EML6: variants seen among roughly 807,000 people sequenced by gnomAD.
The protein encoded by EML6 is EMAP like 6.
EML6 carries 154 observed loss-of-function variants against 240.1 expected under a neutral mutation model. That is an observed-to-expected ratio of 0.64 (90% CI 0.56 to 0.73). EML6 has a LOEUF of 0.73. Ranked by LOEUF, EML6 falls within the 30% of genes least tolerant of loss-of-function variation. EML6 has a pLI of 0.00. For missense variants in EML6, 2,964 were observed against 2,474.6 expected, an observed-to-expected ratio of 1.20 and a Z score of -4.20; for synonymous variants, 1,148 against 899.0, an observed-to-expected ratio of 1.28 and a Z score of -4.95.
rs753059572 is a variant in EML6 at position 54,967,633 on chromosome 2, AGG to A, written c.5598-491_5598-490del. ...TTTGGAGTGTAGGGAACTGAGGCAG[AGG>A]GGGAACAGTAAGAGCTGGCACAAAT... On this transcript the variant is annotated intron_variant, in intron 39 of 41. Transcript: ENST00000356458. Among the ~76,000 whole-genome samples the A allele has an allele frequency of 1.4e-4, 22 of 152,046 alleles. No individual in the cohort carries two copies. In the South Asian group the frequency reaches 1.5e-3, roughly 10 times the overall value.
At chr2:54,879,145 A>G (rs1671682933) in intron 16 of EML6, among the ~76,000 whole-genome samples, 1 of 152,228 alleles carries the variant, frequency 6.6e-6, no homozygotes, top group Admixed American at 6.5e-5. Flanking sequence ...CTCAAGTTAA[A>G]TGTCATGAGA....
intron 2 of EML6, among the ~76,000 whole-genome samples, chr2:54,743,060 G>A (rs2103657958): frequency 6.6e-6 from 1 of 152,356 alleles, no homozygotes; most frequent in East Asian, 1.9e-4. Flanking sequence ...GAGCTATCTA[G>A]ATGTTTAAGA....
intron 2 of EML6, among the ~76,000 whole-genome samples, chr2:54,784,372 C>T (rs375391828): frequency 1.2e-4 from 18 of 152,240 alleles, no homozygotes; most frequent in African/African-American, 4.3e-4. Flanking sequence ...GTAGAATTAC[C>T]AGGTAAGAGT....
At chr2:54,809,237 C>T (rs191393524) in intron 2 of EML6, among the ~76,000 whole-genome samples, 76 of 152,284 alleles carry the variant, frequency 5.0e-4, no homozygotes, top group Non-Finnish European at 4.1e-4. Flanking sequence ...TATATGGACT[C>T]TCAATAGGCA....
chr2:54,759,587 G>A (rs1239362081), intron 2 of EML6, among the ~76,000 whole-genome samples: 1 of 152,018 alleles, frequency 6.6e-6, no homozygotes, highest in African/African-American at 2.4e-5. Flanking sequence ...ACATAAATTA[G>A]CAATGGATGC....
intron 2 of EML6, among the ~76,000 whole-genome samples, chr2:54,760,421 T>C (rs1667925752): frequency 6.6e-6 from 1 of 152,126 alleles, no homozygotes; most frequent in Admixed American, 6.5e-5. Flanking sequence ...GACTTCTAGG[T>C]TCTTTTGCTT....
At chr2:54,783,214 C>T (rs1181147057) in intron 2 of EML6, among the ~76,000 whole-genome samples, 2 of 152,162 alleles carry the variant, frequency 1.3e-5, no homozygotes, top group Admixed American at 1.3e-4. Context: ...CATGTCTTAT[C>T]TCATAAAATA....
At chr2:54,910,061 G>C (rs370970973) in intron 24 of EML6, among the ~76,000 whole-genome samples, 11 of 152,044 alleles carry the variant, frequency 7.2e-5, no homozygotes, top group African/African-American at 2.7e-4. Flanking sequence ...ATTATTTATA[G>C]GTGAAATATT....
At chr2:54,825,972 A>G (rs775087552) in intron 5 of EML6, among the ~76,000 whole-genome samples, 12 of 152,118 alleles carry the variant, frequency 7.9e-5, no homozygotes, top group Non-Finnish European at 1.2e-4. Context: ...CTGCTGATCC[A>G]AGTCCTACTC....
chr2:54,825,863 G>A (rs1340715388), intron 5 of EML6, among the ~76,000 whole-genome samples: 2 of 152,064 alleles, frequency 1.3e-5, no homozygotes, highest in Non-Finnish European at 2.9e-5. Flanking sequence ...CTCTCCTACA[G>A]GTGTAAAATA....
intron 16 of EML6, among the ~76,000 whole-genome samples, chr2:54,874,344 C>A (rs969570492): frequency 2.0e-5 from 3 of 152,224 alleles, no homozygotes; most frequent in Non-Finnish European, 4.4e-5. Flanking sequence ...AAATCAGATA[C>A]TCTGGAGGAG....
chr2:54,940,333 A>T (rs1249510451), intron 28 of EML6, among the ~76,000 whole-genome samples: 1 of 152,128 alleles, frequency 6.6e-6, no homozygotes, highest in African/African-American at 2.4e-5. Context: ...CTGTGGGCTT[A>T]AAAAAATTTT....
rs562255406 is a variant in EML6 at position 54,950,760 on chromosome 2, C to A, written c.4194C>A (p.Ile1398=). Residue 1398 remains isoleucine, a synonymous_variant, in exon 30 of 42, where the codon ATC becomes ATA. Coordinates refer to ENST00000356458, the MANE Select transcript of EML6 (RefSeq NM_001039753.4). ...TCTTCCACACAGCAGCGGCTGGCAT[C>A]GTTCAGAACCTCTCCACAGGTAACC... is the stretch of plus-strand genomic sequence containing the variant. The part of the protein sequence containing the change: ...DIIFHTAAAG[I]VQNLSTGSQS... 1 of 1,551,458 alleles carries A rather than the reference C, an allele frequency of 6.4e-7. No homozygotes were observed. The highest frequency in any genetic ancestry group is 1.2e-5 in the South Asian group (1 of 84,026).
At chr2:54,757,195 C>G (rs1204255912) in intron 2 of EML6, among the ~76,000 whole-genome samples, 1 of 151,754 alleles carries the variant, frequency 6.6e-6, no homozygotes, top group African/African-American at 2.4e-5. Context: ...CCCTTTTTCT[C>G]CTGTATATTT....
chr2:54,825,744 G>C (rs1054171412), intron 5 of EML6, among the ~76,000 whole-genome samples: 6 of 152,074 alleles, frequency 3.9e-5, no homozygotes, highest in African/African-American at 9.7e-5. Context: ...CACACACATA[G>C]GACAGCCCCC....
At chr2:54,743,803 T>C (rs1179159274) in intron 2 of EML6, among the ~76,000 whole-genome samples, 1 of 152,198 alleles carries the variant, frequency 6.6e-6, no homozygotes, top group Non-Finnish European at 1.5e-5. Context: ...ATAAAACACA[T>C]ATGACATTTA....
At chr2:54,731,597 A>T (rs1683169069) in intron 2 of EML6, among the ~76,000 whole-genome samples, 1 of 143,812 alleles carries the variant, frequency 7.0e-6, no homozygotes, top group South Asian at 2.1e-4. Flanking sequence ...AGCCTGGGTG[A>T]CAGGGCAAGA....
rs1676375437 is a variant in EML6 at position 54,959,133 on chromosome 2, T to C, written c.4725T>C (p.Asn1575=). The change falls in exon 34 of 42, where the codon AAT becomes AAC. Residue 1575 remains asparagine, a synonymous_variant. Transcript: ENST00000356458. ...ATCTCACTTTCACGGGTGCCATCAATGGAGATGTCTACGTCTGGAAGGACC... is the reference window on the plus strand; with the variant it reads ...ATCTCACTTTCACGGGTGCCATCAACGGAGATGTCTACGTCTGGAAGGACC... ...ANNLTFTGAI[N]GDVYVWKDHF... is the part of the protein sequence containing the mutation. The C allele has an allele frequency of 6.4e-7, 1 of 1,551,428 alleles. No individual in the cohort carries two copies. The highest frequency in any genetic ancestry group is 8.7e-7 in the Non-Finnish European group (1 of 1,146,882).
chr2:54,849,909 G>C, intron 9 of EML6, 53 bp from the exon 10 acceptor site: 1 of 1,455,422 alleles, frequency 6.9e-7, no homozygotes, highest in Non-Finnish European at 9.3e-7. Context: ...TTTAAAACTT[G>C]GATTTTCTAT....
Sources: gnomAD v4.1 joint callset for allele counts (sites outside exome capture counted in the v4.1 genomes callset) on GRCh38, gnomAD v4.1.1 for gene constraint, MANE v1.5 for transcripts, NCBI Gene and HGNC (gene_info 2026-07-23, HGNC 2026-07-21) for gene names.